The following CNNM2 variants were observed in gnomAD, a reference collection of about 807,000 sequenced individuals.
CNNM2 encodes cyclin and CBS domain divalent metal cation transport mediator 2, also known as metal transporter CNNM2.
In CNNM2, 12 loss-of-function variants were observed where a neutral mutation model predicts 66.9. The observed-to-expected ratio is 0.18, with a 90% CI of 0.11 to 0.29. CNNM2 has a LOEUF of 0.29. Among genes scored for constraint, CNNM2 ranks in the 10% least tolerant of loss-of-function variants. CNNM2 has a pLI of 1.00. For missense variants in CNNM2, 705 were observed against 1,167.7 expected (o/e 0.60, Z 5.77); for synonymous variants, 557 against 501.8 (o/e 1.11, Z -1.47).
At chr10:103,052,644 G>A (rs907699217) in intron 2 of CNNM2, among the ~76,000 whole-genome samples, 2 of 151,890 alleles carry the variant, frequency 1.3e-5, no homozygotes, top group Non-Finnish European at 2.9e-5. Flanking sequence ...CTCCTGAGTA[G>A]CTGGGATTAC....
intron 1 of CNNM2, among the ~76,000 whole-genome samples, chr10:102,924,681 C>G (rs534655096): frequency 6.6e-6 from 1 of 151,252 alleles, no homozygotes; most frequent in East Asian, 1.9e-4. Flanking sequence ...GTTGCCCAGG[C>G]CTGGTCTTGA....
intron 1 of CNNM2, among the ~76,000 whole-genome samples, chr10:102,971,374 T>C (rs542854664): frequency 7.2e-5 from 11 of 152,058 alleles, no homozygotes; most frequent in Non-Finnish European, 1.6e-4. Context: ...GTTTGGAAAG[T>C]GATGCTGTGT....
chr10:103,006,205 C>T (rs2064222790), intron 1 of CNNM2, among the ~76,000 whole-genome samples: 2 of 150,810 alleles, frequency 1.3e-5, no homozygotes, highest in Admixed American at 1.3e-4. Flanking sequence ...GATTTATTTT[C>T]TTTTTTCTTT....
chr10:103,063,650 G>A (rs557206614), intron 4 of CNNM2, among the ~76,000 whole-genome samples: 2 of 152,342 alleles, frequency 1.3e-5, no homozygotes, highest in South Asian at 4.1e-4. Flanking sequence ...TGCTGTGAGA[G>A]ATGCTTTACT....
chr10:102,966,143 G>T (rs1233114367), intron 1 of CNNM2, among the ~76,000 whole-genome samples: 1 of 152,166 alleles, frequency 6.6e-6, no homozygotes. Context: ...GCTCAGCATT[G>T]AACGTGATTT....
intron 1 of CNNM2, among the ~76,000 whole-genome samples, chr10:102,941,702 TC>T: frequency 6.6e-6 from 1 of 152,334 alleles, no homozygotes; most frequent in South Asian, 2.1e-4. Context: ...GGCCAGGCTG[TC>T]CATGGCAGTC....
At position 103,089,075 on chromosome 10, in the gene CNNM2, C is replaced by G. The variant is rs975297960; in HGVS notation, c.*11895C>G. 9.0e-6 allele frequency: 2 copies of G among 223,358 alleles called. No individual in the cohort carries two copies. The highest frequency in any genetic ancestry group is 4.5e-5 in the African/African-American group (2 of 44,840). The allele number at this position is 223,358 out of a possible 1,614,324, so 13.8% of individuals were successfully genotyped here. ...TTTTCCCTCAAAATAGAATCCTGCC[C>G]TAAAGCAACGCAAGTAGAGCATACT... On this transcript the variant is annotated 3_prime_UTR_variant, in exon 8 of 8. Coordinates refer to ENST00000369878, the MANE Select transcript of CNNM2 (RefSeq NM_017649.5).
chr10:102,937,024 G>C (rs1052225515), intron 1 of CNNM2, among the ~76,000 whole-genome samples: 4 of 152,146 alleles, frequency 2.6e-5, no homozygotes. Flanking sequence ...GATTCTTACT[G>C]TTTGGGGTGA....
At chr10:102,948,687 C>T (rs1052997397) in intron 1 of CNNM2, among the ~76,000 whole-genome samples, 4 of 152,096 alleles carry the variant, frequency 2.6e-5, no homozygotes, top group African/African-American at 9.7e-5. Flanking sequence ...GTTGCATTTT[C>T]AAAAGGTCTT....
intron 1 of CNNM2, among the ~76,000 whole-genome samples, chr10:102,973,213 T>G (rs2063572526): frequency 6.6e-6 from 1 of 152,090 alleles, no homozygotes; most frequent in Admixed American, 6.6e-5. Context: ...TCTAATTAAG[T>G]TTTATATACT....
intron 1 of CNNM2, among the ~76,000 whole-genome samples, chr10:102,994,858 A>G (rs138812103): frequency 7.9e-5 from 12 of 152,350 alleles, no homozygotes; most frequent in African/African-American, 2.4e-4. Context: ...AATCCATGTT[A>G]GTGCATATGA....
At chr10:103,064,245 G>A (rs1245029216) in intron 4 of CNNM2, among the ~76,000 whole-genome samples, 1 of 152,226 alleles carries the variant, frequency 6.6e-6, no homozygotes, top group Non-Finnish European at 1.5e-5. Context: ...GGCAGAATGA[G>A]AAAATAAAGA....
Position 103,073,907 on chromosome 10 carries a change from C to T in CNNM2, c.2233+2068C>T, listed in dbSNP as rs61870850. 0.02 allele frequency among the ~76,000 whole-genome samples: 3,068 copies of T among 150,314 alleles called. 56 individuals carry two copies. The highest frequency in any genetic ancestry group is 0.056 in the Middle Eastern group (16 of 286). On this transcript the variant is annotated intron_variant, in intron 6 of 7. Coordinates refer to ENST00000369878, the MANE Select transcript of CNNM2 (RefSeq NM_017649.5). ...AAAAAAAAAAAAAGAATAGAAAATG[C>T]CAGCTGGGCTCACTTATGGGGTACC...
intron 6 of CNNM2, among the ~76,000 whole-genome samples, chr10:103,075,805 G>A (rs1248333561): frequency 1.3e-5 from 2 of 152,106 alleles, no homozygotes; most frequent in Non-Finnish European, 2.9e-5. Context: ...TGTTCCTCAC[G>A]AAGGCACACA....
intron 6 of CNNM2, among the ~76,000 whole-genome samples, chr10:103,073,036 C>A (rs370837193): frequency 3.3e-5 from 5 of 152,212 alleles, no homozygotes; most frequent in African/African-American, 1.2e-4. Context: ...AGTAAGATGG[C>A]ACTTGAGGCT....
intron 1 of CNNM2, among the ~76,000 whole-genome samples, chr10:102,959,392 A>G (rs921197551): frequency 6.6e-6 from 1 of 152,178 alleles, no homozygotes; most frequent in African/African-American, 2.4e-5. Flanking sequence ...TATATCTGGA[A>G]TATTTGCTGT....
chr10:102,934,279 C>CTT (rs35361809), intron 1 of CNNM2, among the ~76,000 whole-genome samples: 3 of 133,688 alleles, frequency 2.2e-5, no homozygotes, highest in African/African-American at 5.7e-5. Flanking sequence ...TTCTTTCTTT[C>CTT]TTTTTTTTTT....
intron 1 of CNNM2, among the ~76,000 whole-genome samples, chr10:102,935,158 C>CAAAAA (rs71753183): frequency 8.5e-5 from 7 of 82,446 alleles, no homozygotes; most frequent in Admixed American, 1.4e-4. Context: ...GACTCCATCT[C>CAAAAA]AAAAAAAAAA....
At chr10:102,960,744 C>T (rs1030175794) in intron 1 of CNNM2, among the ~76,000 whole-genome samples, 7 of 150,350 alleles carry the variant, frequency 4.7e-5, no homozygotes, top group Middle Eastern at 3.5e-3. Context: ...CTCAGCCTCC[C>T]GAGTAGCTGA....
Sources: allele counts gnomAD v4.1 joint callset (sites outside exome capture counted in the v4.1 genomes callset), GRCh38; gene constraint gnomAD v4.1.1; transcripts MANE v1.5; gene names NCBI Gene and HGNC (gene_info 2026-07-23, HGNC 2026-07-21).